The following METTL25 variants were observed in gnomAD, a reference collection of about 807,000 sequenced individuals.
METTL25 encodes probable methyltransferase-like protein 25.
In METTL25, 64 loss-of-function variants were observed where a neutral mutation model predicts 71.6. The ratio of observed to expected loss-of-function variants is 0.89; its 90% confidence interval spans 0.73 to 1.10. The LOEUF (loss-of-function observed/expected upper bound fraction) is 1.10. Ranked by LOEUF, METTL25 falls within the 50% of genes least tolerant of loss-of-function variation. METTL25 has a pLI of 0.00. For synonymous variants in METTL25, 287 were observed against 250.3 expected, an observed-to-expected ratio of 1.15 and a Z score of -1.38; for missense variants, 807 against 707.0, an observed-to-expected ratio of 1.14 and a Z score of -1.60.
intron 9 of METTL25, among the ~76,000 whole-genome samples, chr12:82,466,681 T>C (rs1436557351): frequency 6.6e-6 from 1 of 152,116 alleles, no homozygotes; most frequent in African/African-American, 2.4e-5. Context: ...TGTCCAATGC[T>C]GAGAGTGAGG....
chr12:82,474,149 T>C (rs185656098), intron 9 of METTL25, among the ~76,000 whole-genome samples: 98 of 152,272 alleles, frequency 6.4e-4, no homozygotes, highest in Non-Finnish European at 1.0e-3. Flanking sequence ...TGACATTCTC[T>C]TGTAGAAAGG....
intron 9 of METTL25, among the ~76,000 whole-genome samples, chr12:82,474,026 T>C (rs1464656838): frequency 6.6e-6 from 1 of 152,138 alleles, no homozygotes; most frequent in Non-Finnish European, 1.5e-5. Flanking sequence ...AAGCTTGGCA[T>C]ACAAGGCTAG....
rs966428623 is a variant in METTL25, at chr12:82,479,174, A to G, written c.*150A>G. On this transcript the variant is annotated 3_prime_UTR_variant, in exon 12 of 12. Transcript: ENST00000248306. ...AAATAATGGCTAACAACAGAAGGTT[A>G]TAATCCATTTTTCCATTGTCAAAGC... 1.8e-6 allele frequency: 1 copy of G among 550,632 alleles called. No homozygotes were observed. Among genetic ancestry groups the G allele is most frequent in the African/African-American group, 1.9e-5 (1 of 53,206 alleles). 34.1% of individuals were successfully genotyped at this position (550,632 alleles called of 1,614,324 possible).
intron 5 of METTL25, among the ~76,000 whole-genome samples, chr12:82,430,504 C>T (rs2137145235): frequency 6.6e-6 from 1 of 151,528 alleles, no homozygotes; most frequent in East Asian, 1.9e-4. Flanking sequence ...TAATAAATTG[C>T]CAAATGTCAT....
chr12:82,472,997 T>G (rs1892657073), intron 9 of METTL25, among the ~76,000 whole-genome samples: 1 of 152,142 alleles, frequency 6.6e-6, no homozygotes, highest in Non-Finnish European at 1.5e-5. Flanking sequence ...TGAATGAGTT[T>G]TGGGATATTA....
rs149255865 is a variant in METTL25 at position 82,416,577 on chromosome 12, A to G, written c.1279+13447A>G. Among the ~76,000 whole-genome samples, 389 of 151,404 alleles carry G rather than the reference A, an allele frequency of 2.6e-3. 2 individuals carry two copies. Among genetic ancestry groups the G allele is most frequent in the African/African-American group, 8.9e-3 (367 of 41,270 alleles). On this transcript the variant is annotated intron_variant, in intron 5 of 11. Coordinates refer to ENST00000248306, the MANE Select transcript of METTL25 (RefSeq NM_032230.3). ...CTCCCAAGCTTCCCAAGTAGCTGGG[A>G]CTACTGGTGCGTGACACCACACCTG...
At chr12:82,381,722 T>C (rs1481973705) in intron 1 of METTL25, among the ~76,000 whole-genome samples, 1 of 152,244 alleles carries the variant, frequency 6.6e-6, no homozygotes, top group Non-Finnish European at 1.5e-5. Context: ...ATTAAACAAT[T>C]ACCAAAGATT....
intron 1 of METTL25, among the ~76,000 whole-genome samples, chr12:82,382,575 T>TAAA (rs1884546160): frequency 6.6e-6 from 1 of 152,204 alleles, no homozygotes; most frequent in Non-Finnish European, 1.5e-5. Context: ...TCATGCCTTG[T>TAAA]GCAAAGTATT....
intron 1 of METTL25, among the ~76,000 whole-genome samples, chr12:82,384,889 C>A (rs111279049): frequency 1.3e-5 from 2 of 152,074 alleles, no homozygotes; most frequent in Non-Finnish European, 2.9e-5. Context: ...CTATCACACT[C>A]TACAAAATTG....
At chr12:82,456,494 C>G (rs1891495687) in intron 8 of METTL25, among the ~76,000 whole-genome samples, 1 of 151,918 alleles carries the variant, frequency 6.6e-6, no homozygotes, top group Non-Finnish European at 1.5e-5. Flanking sequence ...GTGTTTAAAA[C>G]TTCTTTCTCA....
At position 82,434,721 on chromosome 12, in the gene METTL25, AG is replaced by A. The variant is rs1565862838; in HGVS notation, c.1404+1del. On this transcript the variant is annotated frameshift_variant and splice_region_variant, in exon 7 of 12. Transcript: ENST00000248306. LOFTEE classifies it high-confidence loss of function. ...LALERVAAGQ[G>X]LPTESLFYRA... ...CATTGGAGCGGGTTGCAGCTGGCCA[AG>A]GGGTAAGTAAGAGTGTTAACTGATG... is the stretch of plus-strand genomic sequence containing the variant. The A allele has an allele frequency of 6.2e-7, 1 of 1,609,332 alleles. No homozygotes were observed. The highest frequency in any genetic ancestry group is 1.7e-5 in the Admixed American group (1 of 59,682).
At chr12:82,402,894 T>C (rs1886760316) in intron 4 of METTL25, 89 bp from the exon 5 acceptor site, 1 of 967,094 alleles carries the variant, frequency 1.0e-6, no homozygotes, top group South Asian at 1.8e-5. Context: ...TGGGCAACAT[T>C]GCAAGATCCT....
At chr12:82,361,855 G>A (rs1227273792) in intron 1 of METTL25, among the ~76,000 whole-genome samples, 4 of 152,216 alleles carry the variant, frequency 2.6e-5, no homozygotes. Context: ...CCAGCCTAGA[G>A]AAGGGCTCCC....
At chr12:82,382,385 A>C (rs1884522899) in intron 1 of METTL25, among the ~76,000 whole-genome samples, 1 of 152,180 alleles carries the variant, frequency 6.6e-6, no homozygotes, top group African/African-American at 2.4e-5. Flanking sequence ...GTCACATTCT[A>C]AATGTTTTAA....
At chr12:82,391,531 T>G (rs1885580005) in intron 3 of METTL25, among the ~76,000 whole-genome samples, 1 of 48,738 alleles carries the variant, frequency 2.1e-5, no homozygotes, top group African/African-American at 8.2e-5. Flanking sequence ...TGTGATGTTT[T>G]GTTAGTATAT....
At chr12:82,364,033 CACTT>C (rs1196069384) in intron 1 of METTL25, among the ~76,000 whole-genome samples, 3 of 152,206 alleles carry the variant, frequency 2.0e-5, no homozygotes, top group African/African-American at 4.8e-5. Context: ...GAAAAGTACA[CACTT>C]ACCGACACAC....
At chr12:82,454,561 A>G (rs1891353975) in intron 8 of METTL25, among the ~76,000 whole-genome samples, 1 of 152,040 alleles carries the variant, frequency 6.6e-6, no homozygotes, top group African/African-American at 2.4e-5. Flanking sequence ...TATATAGCAA[A>G]TCACTGCTTA....
At chr12:82,423,922 TTTTACACTG>T (rs1321516368) in intron 5 of METTL25, among the ~76,000 whole-genome samples, 9 of 152,142 alleles carry the variant, frequency 5.9e-5, no homozygotes, top group Non-Finnish European at 1.0e-4. Context: ...ATAGGAACAC[TTTTACACTG>T]TTGCTGGGAC....
chr12:82,399,871 A>C, intron 4 of METTL25, among the ~76,000 whole-genome samples: 1 of 151,552 alleles, frequency 6.6e-6, no homozygotes, highest in East Asian at 1.9e-4. Context: ...AAGACAGCAG[A>C]TCTTAAAGGC....
Sources: allele counts gnomAD v4.1 joint callset (sites outside exome capture counted in the v4.1 genomes callset), GRCh38; gene constraint gnomAD v4.1.1; transcripts MANE v1.5; gene names NCBI Gene and HGNC (gene_info 2026-07-23, HGNC 2026-07-21).